The following PLEKHG4B variants were observed in gnomAD, a reference collection of about 807,000 sequenced individuals.
The protein encoded by PLEKHG4B is pleckstrin homology and RhoGEF domain containing G4B.
Under a neutral mutation model 121.3 loss-of-function variants are expected in PLEKHG4B, and 111 were observed. The observed-to-expected ratio is 0.92, with a 90% CI of 0.78 to 1.07. PLEKHG4B has a LOEUF of 1.07. Ranked by LOEUF, PLEKHG4B falls within the 50% of genes least tolerant of loss-of-function variation. The pLI is 0.00. For missense variants in PLEKHG4B, 1,831 were observed against 1,757.8 expected (o/e 1.04, Z -0.74); for synonymous variants, 738 against 725.0 (o/e 1.02, Z -0.29).
At position 184,726 on chromosome 5, in the gene PLEKHG4B, A is replaced by G. The variant is rs1560962788; in HGVS notation, c.*2403A>G. ...TTTCTCTAAACGGGAAATGGGTTAA[A>G]AGATGAGTGGCTTGGCCGGGTGCGG... On this transcript the variant is annotated 3_prime_UTR_variant, in exon 20 of 20. Coordinates refer to ENST00000637938, the MANE Select transcript of PLEKHG4B (RefSeq NM_052909.5). The G allele has an allele frequency of 6.6e-6, 1 of 152,216 alleles. No homozygotes were observed. The highest frequency in any genetic ancestry group is 1.5e-5 in the Non-Finnish European group (1 of 68,042). The allele number at this position is 152,216 out of a possible 1,614,324, so 9.4% of individuals were successfully genotyped here.
At chr5:161,414 C>G (rs949682387) in intron 11 of PLEKHG4B, among the ~76,000 whole-genome samples, 1 of 152,240 alleles carries the variant, frequency 6.6e-6, no homozygotes, top group African/African-American at 2.4e-5. Flanking sequence ...AGGCCCGTGC[C>G]ACCTCTCATC....
In PLEKHG4B at chr5:182,102, T is replaced by G. The variant is rs1339260782; in HGVS notation, c.4663T>G (p.Ser1555Ala). Residue 1555 changes from serine (S) to alanine (A), a missense_variant, in exon 20 of 20, where the codon TCT becomes GCT. Transcript: ENST00000637938. Reference sequence around the variant, plus strand: ...CATCTCAGACAGCAGCACCTCCTCTTCTAGCAGCCAGTCCTCCTCCATCCT... The same window carrying G: ...CATCTCAGACAGCAGCACCTCCTCTGCTAGCAGCCAGTCCTCCTCCATCCT... ...STISDSSTSS[S>A]SSQSSSILGS... The G allele has an allele frequency of 1.2e-6, 2 of 1,614,100 alleles. No homozygotes were observed. Among genetic ancestry groups the G allele is most frequent in the East Asian group, 4.5e-5 (2 of 44,890 alleles).
chr5:129,458 AGTATATACCTTACAT>A (rs530042919), intron 2 of PLEKHG4B, among the ~76,000 whole-genome samples: 248 of 152,352 alleles, frequency 1.6e-3, no homozygotes, highest in Middle Eastern at 3.4e-3. Flanking sequence ...GGGCGAATCC[AGTATATACCTTACAT>A]GTATTGATGT....
chr5:145,043 G>A (rs1389135544), intron 6 of PLEKHG4B, 123 bp downstream of exon 6: 2 of 846,450 alleles, frequency 2.4e-6, no homozygotes, highest in African/African-American at 3.4e-5. Flanking sequence ...GATTCGAGAT[G>A]GGGGCCCCTG....
At chr5:114,088 C>A (rs974801685) in intron 2 of PLEKHG4B, among the ~76,000 whole-genome samples, 7 of 152,128 alleles carry the variant, frequency 4.6e-5, no homozygotes, top group East Asian at 1.9e-4. Context: ...AAATATTGAT[C>A]AAAAATGCTA....
chr5:93,258 C>G (rs761184936), intron 1 of PLEKHG4B, among the ~76,000 whole-genome samples: 1 of 152,078 alleles, frequency 6.6e-6, no homozygotes, highest in Non-Finnish European at 1.5e-5. Context: ...TTCTCAGCTT[C>G]CCGAAGAGAT....
Position 139,016 on chromosome 5 carries a change from T to C in PLEKHG4B, c.244-467T>C, listed in dbSNP as rs1735065135. On this transcript the variant is annotated intron_variant, in intron 2 of 19. Coordinates refer to ENST00000637938, the MANE Select transcript of PLEKHG4B (RefSeq NM_052909.5). The surrounding 1 kb of genome is among the most constrained non-coding windows in gnomAD (Gnocchi z 5.0). ...GCACCCCTCGCTAAGGAGGCCGAGG[T>C]AGCGCCTGCAGCAGCCGGGAGCCAC... 1.3e-5 allele frequency among the ~76,000 whole-genome samples: 2 copies of C among 152,122 alleles called. No homozygotes were observed. Among genetic ancestry groups the C allele is most frequent in the African/African-American group, 4.8e-5 (2 of 41,386 alleles).
rs1735811684 is a variant in PLEKHG4B, at chr5:157,128, T to A, written c.2487+217T>A. On this transcript the variant is annotated intron_variant, in intron 11 of 19. Transcript: ENST00000637938. The surrounding 1 kb of genome is among the most constrained non-coding windows in gnomAD (Gnocchi z 4.6). ...ATACTGGATCAGTGGAGAAAAAAAA[T>A]TTGTTTAATCCAGAGGAGGCCAGGG... 4.3e-6 allele frequency: 3 copies of A among 690,578 alleles called. No homozygotes were observed. Among genetic ancestry groups the A allele is most frequent in the Admixed American group, 2.8e-5 (1 of 35,120 alleles). The allele number at this position is 690,578 out of a possible 1,614,324, so 42.8% of individuals were successfully genotyped here. A position where few individuals can be genotyped will look rare whatever the true frequency, so the allele number is the denominator to read the frequency against.
intron 2 of PLEKHG4B, among the ~76,000 whole-genome samples, chr5:121,457 A>G (rs980062212): frequency 1.3e-5 from 2 of 152,214 alleles, no homozygotes; most frequent in Non-Finnish European, 2.9e-5. Context: ...AACTGGTGTC[A>G]TTATCAAGCA....
chr5:162,578 C>T (rs1736053066), intron 12 of PLEKHG4B, 144 bp from the exon 13 acceptor site: 3 of 565,064 alleles, frequency 5.3e-6, no homozygotes, highest in Non-Finnish European at 5.5e-6. Flanking sequence ...GCCACAGCCC[C>T]CACTGGGTGG....
intron 2 of PLEKHG4B, among the ~76,000 whole-genome samples, chr5:122,379 C>T (rs751838778): frequency 2.0e-5 from 3 of 151,812 alleles, no homozygotes; most frequent in Admixed American, 6.6e-5. Flanking sequence ...ACTGAACGTT[C>T]GTTGTATAAA....
intron 13 of PLEKHG4B, among the ~76,000 whole-genome samples, chr5:166,558 G>C (rs1314366680): frequency 7.6e-5 from 11 of 144,550 alleles, no homozygotes; most frequent in East Asian, 2.1e-4. Context: ...TCACACTAAT[G>C]CTCTGACGGG....
chr5:156,934 G>A lies in PLEKHG4B; in HGVS notation c.2487+23G>A, dbSNP rs749722116. 5.0e-6 allele frequency: 8 copies of A among 1,608,848 alleles called. No individual in the cohort carries two copies. The highest frequency in any genetic ancestry group is 4.0e-5 in the African/African-American group (3 of 74,798). ...CAGGTCAGAGCTGCAGGAGGAAGGC[G>A]GCCCGGTCAGCATCCCCTCCAGGCC... is the stretch of plus-strand genomic sequence containing the variant. On this transcript the variant is annotated intron_variant, in intron 11 of 19. Transcript: ENST00000637938. The surrounding 1 kb of genome is among the most constrained non-coding windows in gnomAD (Gnocchi z 4.4).
At chr5:105,766 G>A (rs1579237694) in intron 1 of PLEKHG4B, among the ~76,000 whole-genome samples, 1 of 152,330 alleles carries the variant, frequency 6.6e-6, no homozygotes, top group East Asian at 1.9e-4. Context: ...GACACATTTT[G>A]AGGACTTTTT....
chr5:143,937 A>T (rs1056614919), intron 5 of PLEKHG4B: 1 of 167,542 alleles, frequency 6.0e-6, no homozygotes, highest in African/African-American at 2.5e-5. Flanking sequence ...TCAAAGAACA[A>T]ACACACACAC....
chr5:177,462 A>G (rs894821664), intron 18 of PLEKHG4B, among the ~76,000 whole-genome samples: 1 of 152,160 alleles, frequency 6.6e-6, no homozygotes, highest in African/African-American at 2.4e-5. Context: ...GTTTAAGACC[A>G]CTTTGGTCAA....
rs1283331602 is a variant in PLEKHG4B, at chr5:138,878, A to C, written c.244-605A>C. On this transcript the variant is annotated intron_variant, in intron 2 of 19. Transcript: ENST00000637938. ...TAATAGCACAGGAAATGCTAATGAA[A>C]TCACATTGGGTGAAAATAGTTAAAG... Among the ~76,000 whole-genome samples, 5 of 152,280 alleles carry C rather than the reference A, an allele frequency of 3.3e-5. No homozygotes were observed. In the South Asian group the frequency reaches 6.2e-4, roughly 19 times the overall value.
At chr5:173,130 C>A in intron 17 of PLEKHG4B, 63 bp downstream of exon 17, 3 of 1,514,002 alleles carry the variant, frequency 2.0e-6, no homozygotes, top group East Asian at 4.5e-5. Context: ...GGTCTCGGAC[C>A]CTTGTCTCAC....
chr5:140,682 C>T lies in PLEKHG4B; in HGVS notation c.1443C>T (p.Val481=). The change falls in exon 3 of 20, where the codon GTC becomes GTT. Residue 481 remains valine, a synonymous_variant. Coordinates refer to ENST00000637938, the MANE Select transcript of PLEKHG4B (RefSeq NM_052909.5). The stretch of plus-strand genomic sequence containing the variant: ...AAGCTGTGGGGACCCCAAACTGTGT[C>T]CCAGTAGAGGGTCCCGGCTGCACCA... ...GGQAVGTPNC[V]PVEGPGCTKE... 6.3e-7 allele frequency: 1 copy of T among 1,597,146 alleles called. No individual in the cohort carries two copies. Among genetic ancestry groups the T allele is most frequent in the South Asian group, 1.1e-5 (1 of 89,484 alleles).
Sources: allele counts gnomAD v4.1 joint callset (sites outside exome capture counted in the v4.1 genomes callset), GRCh38; gene constraint gnomAD v4.1.1; non-coding constraint Gnocchi (gnomAD v3.1); transcripts MANE v1.5; gene names NCBI Gene and HGNC (gene_info 2026-07-23, HGNC 2026-07-21).